The following SOBP variants were observed in gnomAD, a reference collection of about 807,000 sequenced individuals.
The protein encoded by SOBP is sine oculis binding protein homolog.
In SOBP, 4 loss-of-function variants were observed where a neutral mutation model predicts 53.6. That is an observed-to-expected ratio of 0.07 (90% CI 0.04 to 0.17). SOBP has a LOEUF of 0.17. Ranked by LOEUF, SOBP falls within the 10% of genes least tolerant of loss-of-function variation. The pLI is 1.00. For missense variants in SOBP, 1,088 were observed against 1,204.7 expected (o/e 0.90, Z 1.43); for synonymous variants, 584 against 522.6 (o/e 1.12, Z -1.60).
At chr6:107,612,004 G>T (rs2115103036) in intron 5 of SOBP, among the ~76,000 whole-genome samples, 1 of 152,210 alleles carries the variant, frequency 6.6e-6, no homozygotes, top group African/African-American at 2.4e-5. Context: ...ATATCAGGAG[G>T]GCTGGCACAC....
At position 107,634,306 on chromosome 6, in the gene SOBP, C is replaced by T; in HGVS notation, c.1462C>T (p.Leu488Phe). ...PPPPGAPLPS[L>F]PFPPVSMMPN... Reference sequence around the variant, plus strand: ...GCCTCCGGGCGCCCCGCTGCCGAGTCTTCCCTTCCCGCCAGTGAGCATGAT... The same window carrying T: ...GCCTCCGGGCGCCCCGCTGCCGAGTTTTCCCTTCCCGCCAGTGAGCATGAT... Residue 488 changes from leucine (L) to phenylalanine (F), a missense_variant, in exon 6 of 7, where the codon CTT (leucine) becomes TTT (phenylalanine). Leu to Phe is a conservative substitution (Grantham distance 22). Transcript: ENST00000317357. This position sits in a 1 kb window ranked among gnomAD's most constrained non-coding sequence, Gnocchi z 4.5. 8 of 1,571,282 alleles carry T rather than the reference C, an allele frequency of 5.1e-6. No individual in the cohort carries two copies. The East Asian group carries it at 7.0e-5, about 14-fold the overall frequency.
chr6:107,515,586 T>A (rs1226570715), intron 3 of SOBP, among the ~76,000 whole-genome samples: 2 of 152,078 alleles, frequency 1.3e-5, no homozygotes, highest in African/African-American at 4.8e-5. Context: ...CTGTCTCTAC[T>A]AAAAATACTA....
chr6:107,505,507 A>T (rs1472258524), intron 2 of SOBP, among the ~76,000 whole-genome samples: 1 of 151,880 alleles, frequency 6.6e-6, no homozygotes, highest in Non-Finnish European at 1.5e-5. Context: ...TTTTTGGTAG[A>T]GACGGGGGTC....
intron 5 of SOBP, among the ~76,000 whole-genome samples, chr6:107,594,007 C>G (rs1468006775): frequency 6.6e-6 from 1 of 152,194 alleles, no homozygotes; most frequent in Non-Finnish European, 1.5e-5. Flanking sequence ...TATCTGAATA[C>G]CTTTTTGTAG....
chr6:107,491,830 C>T (rs563846089), intron 1 of SOBP, among the ~76,000 whole-genome samples: 4 of 152,310 alleles, frequency 2.6e-5, no homozygotes, highest in African/African-American at 9.6e-5. Context: ...AAAAAACAAA[C>T]TGGATGAAAA....
At chr6:107,620,729 A>T (rs1466226884) in intron 5 of SOBP, among the ~76,000 whole-genome samples, 2 of 152,216 alleles carry the variant, frequency 1.3e-5, no homozygotes, top group Non-Finnish European at 2.9e-5. Context: ...TTAGATACTA[A>T]GCACTGAAAG....
chr6:107,576,531 G>A (rs1034477119), intron 4 of SOBP, among the ~76,000 whole-genome samples: 2 of 152,336 alleles, frequency 1.3e-5, no homozygotes, highest in East Asian at 1.9e-4. Context: ...GCAGGACCAA[G>A]GCCATACCCA....
chr6:107,550,302 G>A (rs1175809465), intron 4 of SOBP, among the ~76,000 whole-genome samples: 1 of 152,222 alleles, frequency 6.6e-6, no homozygotes, highest in East Asian at 1.9e-4. Flanking sequence ...ACTTGTCTCA[G>A]GGCTGGGTGC....
At chr6:107,624,092 A>G (rs1770349638) in intron 5 of SOBP, among the ~76,000 whole-genome samples, 1 of 152,252 alleles carries the variant, frequency 6.6e-6, no homozygotes, top group Non-Finnish European at 1.5e-5. Context: ...TTGCGTAAGC[A>G]TATGCACAGA....
intron 6 of SOBP, among the ~76,000 whole-genome samples, chr6:107,655,463 G>T (rs1041292384): frequency 6.6e-6 from 1 of 152,088 alleles, no homozygotes; most frequent in African/African-American, 2.4e-5. Context: ...TGGCCTTTGT[G>T]GGTGTCCCAG....
chr6:107,654,297 T>G (rs1771924655), intron 6 of SOBP, among the ~76,000 whole-genome samples: 1 of 152,230 alleles, frequency 6.6e-6, no homozygotes, highest in Non-Finnish European at 1.5e-5. Flanking sequence ...TAATTGTGTG[T>G]GTCTGATGCT....
chr6:107,510,806 C>T (rs1338966076), intron 3 of SOBP: 1 of 152,144 alleles, frequency 6.6e-6, no homozygotes, highest in East Asian at 1.9e-4. Flanking sequence ...TGGCTAGGAG[C>T]AAAAGGCCCC....
chr6:107,533,269 GCC>G (rs1689988093), intron 3 of SOBP, among the ~76,000 whole-genome samples, 188 bp from the exon 4 acceptor site: 1 of 58,156 alleles, frequency 1.7e-5, no homozygotes, highest in Admixed American at 2.7e-4. Context: ...AAACTTAGGA[GCC>G]AAAAAAAAAA....
At chr6:107,625,173 T>C (rs1487065609) in intron 5 of SOBP, among the ~76,000 whole-genome samples, 1 of 152,198 alleles carries the variant, frequency 6.6e-6, no homozygotes, top group African/African-American at 2.4e-5. Flanking sequence ...GTTACTAGTG[T>C]ATAATTTATT....
intron 4 of SOBP, among the ~76,000 whole-genome samples, chr6:107,562,931 GA>G (rs1784814323): frequency 2.0e-5 from 3 of 152,182 alleles, no homozygotes; most frequent in Admixed American, 2.0e-4. Flanking sequence ...TGTGAATAGA[GA>G]AATTGGAAAT....
chr6:107,544,161 T>G (rs148859400), intron 4 of SOBP, among the ~76,000 whole-genome samples: 60 of 152,272 alleles, frequency 3.9e-4, no homozygotes, highest in African/African-American at 1.4e-3. Context: ...GTCCACACAT[T>G]GAAGCTACTA....
At position 107,633,729 on chromosome 6, in the gene SOBP, C is replaced by T. The variant is rs764983728; in HGVS notation, c.885C>T (p.Leu295=). 3 of 1,614,142 alleles carry T rather than the reference C, an allele frequency of 1.9e-6. No homozygotes were observed. The highest frequency in any genetic ancestry group is 1.1e-5 in the South Asian group (1 of 91,088). The change falls in exon 6 of 7, where the codon CTC becomes CTT. Residue 295 remains leucine, a synonymous_variant. Coordinates refer to ENST00000317357, the MANE Select transcript of SOBP (RefSeq NM_018013.4). The part of the protein sequence containing the change: ...NKAEGTGVQL[L]TPDSWNIPLT... ...CAGAAGGCACCGGGGTGCAGCTGCT[C>T]ACTCCAGACTCTTGGAATATCCCGC...
At chr6:107,521,650 A>C (rs953288611) in intron 3 of SOBP, among the ~76,000 whole-genome samples, 1 of 152,194 alleles carries the variant, frequency 6.6e-6, no homozygotes, top group Non-Finnish European at 1.5e-5. Flanking sequence ...TTATGAATAA[A>C]TGCTGCCATG....
chr6:107,580,077 G>A (rs1033779714), intron 4 of SOBP, among the ~76,000 whole-genome samples: 1 of 152,184 alleles, frequency 6.6e-6, no homozygotes, highest in Non-Finnish European at 1.5e-5. Flanking sequence ...GACAGTCTTC[G>A]ACAAGCAGGT....
Sources: allele counts gnomAD v4.1 joint callset (sites outside exome capture counted in the v4.1 genomes callset), GRCh38; gene constraint gnomAD v4.1.1; non-coding constraint Gnocchi (gnomAD v3.1); transcripts MANE v1.5; gene names NCBI Gene and HGNC (gene_info 2026-07-23, HGNC 2026-07-21).